TMEM43: variants seen among roughly 807,000 people sequenced by gnomAD.
TMEM43 encodes the protein arrhythmogenic right ventricular dysplasia 5.
A neutral mutation model predicts 49.6 loss-of-function variants in TMEM43; 45 were observed. The ratio of observed to expected loss-of-function variants is 0.91; its 90% CI spans 0.71 to 1.16. The LOEUF is 1.16. Among genes scored for constraint, TMEM43 ranks in the 50% most tolerant of loss-of-function variants. The pLI, the probability that TMEM43 is intolerant of heterozygous loss-of-function variation, is 0.00. For missense variants in TMEM43, 532 were observed against 516.6 expected (o/e 1.03, Z -0.29); for synonymous variants, 199 against 207.8 (o/e 0.96, Z 0.36).
intron 10 of TMEM43, among the ~76,000 whole-genome samples, chr3:14,136,566 C>T (rs758801156): frequency 2.0e-5 from 3 of 152,120 alleles, no homozygotes; most frequent in Admixed American, 1.3e-4. Flanking sequence ...GTTTTGCTGA[C>T]GAGAAGGGGT....
chr3:14,134,627 A>T, intron 7 of TMEM43, 143 bp from the exon 8 acceptor site: 1 of 1,120,784 alleles, frequency 8.9e-7, no homozygotes, highest in Non-Finnish European at 1.3e-6. Context: ...CGTGGACGAG[A>T]CAGAGTCAGA....
Position 14,135,238 on chromosome 3 carries a change from C to G in TMEM43, c.780+6C>G. 1 of 1,611,020 alleles carries G rather than the reference C, an allele frequency of 6.2e-7. No individual in the cohort carries two copies. The highest frequency in any genetic ancestry group is 8.5e-7 in the Non-Finnish European group (1 of 1,179,546). ...ACCTGGGCCCAGCTCACGTGGTAAC[C>G]TGGCTTCCCAGGGGCAGACACTAAG... On this transcript the variant is annotated splice_donor_region_variant and intron_variant, in intron 9 of 11. Transcript: ENST00000306077.
At chr3:14,136,227 C>T (rs979046568) in intron 10 of TMEM43, among the ~76,000 whole-genome samples, 2 of 152,220 alleles carry the variant, frequency 1.3e-5, no homozygotes, top group Non-Finnish European at 2.9e-5. Context: ...TACAATGCAA[C>T]CCGTCACATG....
chr3:14,129,340 TATAA>T, intron 1 of TMEM43, 68 bp from the exon 2 acceptor site: 3 of 1,030,932 alleles, frequency 2.9e-6, no homozygotes, highest in East Asian at 3.1e-5. Context: ...AAAAATTGAG[TATAA>T]ATAAATAGCA....
At position 14,130,830 on chromosome 3, in the gene TMEM43, A is replaced by G. The variant is rs910412765; in HGVS notation, c.171A>G (p.Ala57=). The part of the protein sequence containing the change: ...FYLIFTNEGR[A]LKTATSLAEG... ...CTCCCCTTTGCTCCCAGGGCCGCGC[A>G]TTGAAGACGGCAACCTCATTGGCTG... Residue 57 remains alanine, a synonymous_variant, in exon 3 of 12, where the codon GCA becomes GCG. Coordinates refer to ENST00000306077, the MANE Select transcript of TMEM43 (RefSeq NM_024334.3). 2 of 1,613,842 alleles carry G rather than the reference A, an allele frequency of 1.2e-6. No homozygotes were observed. The highest frequency in any genetic ancestry group is 1.7e-6 in the Non-Finnish European group (2 of 1,179,906).
intron 1 of TMEM43, among the ~76,000 whole-genome samples, chr3:14,128,151 A>T (rs1197461719): frequency 6.6e-6 from 1 of 152,244 alleles, no homozygotes; most frequent in East Asian, 1.9e-4. Context: ...CGTAGCTGGT[A>T]TGTGGCAGAG....
chr3:14,126,907 C>A (rs1339689407), intron 1 of TMEM43, among the ~76,000 whole-genome samples: 3 of 152,282 alleles, frequency 2.0e-5, no homozygotes, highest in Admixed American at 1.3e-4. Context: ...AGGTACTATT[C>A]CCCTCTCCAC....
At chr3:14,129,275 A>G in intron 1 of TMEM43, 137 bp from the exon 2 acceptor site, 1 of 670,256 alleles carries the variant, frequency 1.5e-6, no homozygotes, top group Non-Finnish European at 2.3e-6. Context: ...TACATTGAAT[A>G]TCTGTGTGTT....
At chr3:14,135,669 T>C (rs529283225) in intron 9 of TMEM43, 138 bp from the exon 10 acceptor site, 7 of 658,588 alleles carry the variant, frequency 1.1e-5, no homozygotes, top group South Asian at 3.5e-5. Flanking sequence ...CCCAGATGGA[T>C]GTATAGAGAG....
Position 14,131,625 on chromosome 3 carries a change from C to T in TMEM43, c.343C>T (p.Leu115=). 1 of 1,614,212 alleles carries T rather than the reference C, an allele frequency of 6.2e-7. No homozygotes were observed. Among genetic ancestry groups the T allele is most frequent in the Non-Finnish European group, 8.5e-7 (1 of 1,180,040 alleles). ...TGGGGTCCATCTTCCGGCTGTGAAA[C>T]TGCGGAGGCACGTGGAGATGTACCA... ...NYGVHLPAVK[L]RRHVEMYQWV... is the part of the protein sequence containing the mutation. Residue 115 remains leucine, a synonymous_variant, in exon 4 of 12, where the codon CTG becomes TTG. Transcript: ENST00000306077.
intron 11 of TMEM43, 146 bp from the exon 12 acceptor site, chr3:14,141,447 A>C: frequency 6.0e-6 from 5 of 829,316 alleles, no homozygotes; most frequent in Admixed American, 2.0e-5. Context: ...TTTCAGAACG[A>C]AGCTCCTTGC....
chr3:14,131,205 C>T (rs1276957474), intron 3 of TMEM43, among the ~76,000 whole-genome samples: 1 of 152,232 alleles, frequency 6.6e-6, no homozygotes, highest in Non-Finnish European at 1.5e-5. Context: ...TAACTAACGC[C>T]TTGGTACAGT....
intron 10 of TMEM43, among the ~76,000 whole-genome samples, chr3:14,136,267 G>A (rs771504982): frequency 1.2e-4 from 18 of 152,204 alleles, no homozygotes; most frequent in Non-Finnish European, 2.5e-4. Context: ...CACTAGTGGC[G>A]TCATGTTGGC....
rs779262580 is a variant in TMEM43, at chr3:14,134,932, G to A, written c.705+41G>A. The stretch of plus-strand genomic sequence containing the variant: ...TGGGCTCTCCAAATAGGAGGGTCAG[G>A]GCGCTAGGATCAGGTTCCTGCGCCA... On this transcript the variant is annotated intron_variant, in intron 8 of 11. Transcript: ENST00000306077. The A allele has an allele frequency of 8.1e-6, 13 of 1,613,390 alleles. No individual in the cohort carries two copies. In the East Asian group the frequency reaches 1.3e-4, roughly 17 times the overall value.
chr3:14,126,213 T>C (rs1695019257), intron 1 of TMEM43, among the ~76,000 whole-genome samples: 1 of 152,138 alleles, frequency 6.6e-6, no homozygotes, highest in Non-Finnish European at 1.5e-5. Context: ...TCCCAGGACA[T>C]TTCGGGCCCA....
chr3:14,135,675 G>T (rs890500883), intron 9 of TMEM43, 132 bp from the exon 10 acceptor site: 29 of 682,942 alleles, frequency 4.2e-5, no homozygotes, highest in African/African-American at 3.9e-4. Context: ...TGGATGTATA[G>T]AGAGAGAAGC....
rs1015890176 is a variant in TMEM43 at position 14,143,049 on chromosome 3, G to A, written c.*1254G>A. The A allele has an allele frequency of 2.6e-5, 4 of 152,172 alleles. No individual in the cohort carries two copies. The highest frequency in any genetic ancestry group is 1.3e-4 in the Admixed American group (2 of 15,268). 9.4% of individuals were successfully genotyped at this position (152,172 alleles called of 1,614,324 possible). ...GGCTGCTTCTGAGTGGTTCTTTCAC[G>A]TGTTGTGTCCATAGCTTTAGTCTTC... On this transcript the variant is annotated 3_prime_UTR_variant, in exon 12 of 12. Transcript: ENST00000306077.
rs1559363796 is a variant in TMEM43 at position 14,141,816 on chromosome 3, GA to G, written c.*22del. The G allele has an allele frequency of 6.2e-7, 1 of 1,606,732 alleles. No homozygotes were observed. Among genetic ancestry groups the G allele is most frequent in the East Asian group, 2.2e-5 (1 of 44,746 alleles). ...AGTGAAAAGACCCTGGCACCCGCCC[GA>G]CACCTGCGTGAGCCCTAGGATCCAG... is the stretch of plus-strand genomic sequence containing the variant. On this transcript the variant is annotated 3_prime_UTR_variant, in exon 12 of 12. Coordinates refer to ENST00000306077, the MANE Select transcript of TMEM43 (RefSeq NM_024334.3).
At chr3:14,139,574 G>A (rs570098468) in intron 11 of TMEM43, among the ~76,000 whole-genome samples, 11 of 152,274 alleles carry the variant, frequency 7.2e-5, no homozygotes, top group African/African-American at 1.7e-4. Flanking sequence ...CTGCTGGCTC[G>A]ATCATTTGCT....
Sources: gnomAD v4.1 joint callset for allele counts (sites outside exome capture counted in the v4.1 genomes callset) on GRCh38, gnomAD v4.1.1 for gene constraint, MANE v1.5 for transcripts, NCBI Gene and HGNC (gene_info 2026-07-23, HGNC 2026-07-21) for gene names.